The following TM4SF1 variants were observed in gnomAD, a reference collection of about 807,000 sequenced individuals.
TM4SF1 encodes transmembrane 4 L6 family member 1.
TM4SF1 carries 20 observed loss-of-function variants against 24.5 expected under a neutral mutation model. The observed-to-expected ratio is 0.82, with a 90% CI of 0.57 to 1.19. The LOEUF (loss-of-function observed/expected upper bound fraction) is 1.19, where lower values mean the gene tolerates loss of function less well. Ranked by LOEUF, TM4SF1 falls within the 50% of genes most tolerant of loss-of-function variation. The pLI, the probability that TM4SF1 is intolerant of heterozygous loss-of-function variation, is 0.00. For missense variants in TM4SF1, 258 were observed against 248.1 expected (o/e 1.04, Z -0.27); for synonymous variants, 107 against 95.4 (o/e 1.12, Z -0.71).
At chr3:149,373,817 T>C (rs1731887653) in intron 3 of TM4SF1, among the ~76,000 whole-genome samples, 1 of 152,198 alleles carries the variant, frequency 6.6e-6, no homozygotes. Context: ...GGGCAAACAG[T>C]CAAATAGCTA....
chr3:149,369,982 C>T, intron 4 of TM4SF1, 102 bp from the exon 5 acceptor site: 1 of 1,427,306 alleles, frequency 7.0e-7, no homozygotes, highest in South Asian at 1.3e-5. Flanking sequence ...ACAGACTGAT[C>T]TTAGCTTCAG....
chr3:149,370,013 C>A, intron 4 of TM4SF1, 133 bp from the exon 5 acceptor site: 2 of 1,138,760 alleles, frequency 1.8e-6, no homozygotes, highest in Non-Finnish European at 2.5e-6. Flanking sequence ...GCCAACCATA[C>A]TTAGGGCTTG....
intron 1 of TM4SF1, among the ~76,000 whole-genome samples, chr3:149,376,059 G>A (rs183649780): frequency 1.3e-5 from 2 of 152,192 alleles, no homozygotes; most frequent in East Asian, 1.9e-4. Flanking sequence ...TTTATCACAC[G>A]ACCCCAGATA....
At chr3:149,372,512 T>G (rs1731849157) in intron 3 of TM4SF1, among the ~76,000 whole-genome samples, 1 of 152,222 alleles carries the variant, frequency 6.6e-6, no homozygotes, top group African/African-American at 2.4e-5. Context: ...ATATTTAATA[T>G]GCTGGAATTT....
rs1576847878 is a variant in TM4SF1, at chr3:149,371,714, T to G, written c.567A>C (p.Ile189=). The change falls in exon 4 of 5, where the codon ATA becomes ATC. Residue 189 remains isoleucine, a synonymous_variant. Transcript: ENST00000305366. ...GTTGGTGAGAGCAGCAAAAGCCACA[T>G]ATGCCTCCAAGCACTCCATTTATTA... ...IQVINGVLGG[I]CGFCCSHQQQ... is the part of the protein sequence containing the mutation. 1 of 1,614,172 alleles carries G rather than the reference T, an allele frequency of 6.2e-7. No homozygotes were observed. Among genetic ancestry groups the G allele is most frequent in the African/African-American group, 1.3e-5 (1 of 75,046 alleles).
Position 149,375,500 on chromosome 3 carries a change from G to T in TM4SF1, c.356C>A (p.Pro119Gln), listed in dbSNP as rs1731928094. 1 of 1,614,192 alleles carries T rather than the reference G, an allele frequency of 6.2e-7. No individual in the cohort carries two copies. The highest frequency in any genetic ancestry group is 8.5e-7 in the Non-Finnish European group (1 of 1,180,036). Reference sequence around the variant, plus strand: ...CTGGCCGAGGGAATCAAGACATAGTGGTCCTTCTGCTAAGCCAAGGGCTGC... The same window carrying T: ...CTGGCCGAGGGAATCAAGACATAGTTGTCCTTCTGCTAAGCCAAGGGCTGC... ...IVAALGLAEG[P>Q]LCLDSLGQWN... Residue 119 changes from proline to glutamine, a missense_variant, in exon 3 of 5, where the codon CCA (proline) becomes CAA (glutamine). Pro to Gln is a moderately conservative substitution (Grantham distance 76, BLOSUM62 -1). Coordinates refer to ENST00000305366, the MANE Select transcript of TM4SF1 (RefSeq NM_014220.3).
At chr3:149,376,528 A>T (rs115527323) in intron 1 of TM4SF1, among the ~76,000 whole-genome samples, 162 of 152,302 alleles carry the variant, frequency 1.1e-3, no homozygotes, top group African/African-American at 3.7e-3. Context: ...ATTAAATAAA[A>T]TCTCATTAAA....
Position 149,377,642 on chromosome 3 carries a change from A to C in TM4SF1, c.-95T>G, listed in dbSNP as rs757107263. The C allele has an allele frequency of 2.0e-6, 3 of 1,519,630 alleles. No homozygotes were observed. Among genetic ancestry groups the C allele is most frequent in the Non-Finnish European group, 2.6e-6 (3 of 1,135,038 alleles). 94.1% of individuals were successfully genotyped at this position (1,519,630 alleles called of 1,614,324 possible). On this transcript the variant is annotated 5_prime_UTR_variant, in exon 1 of 5. Transcript: ENST00000305366. ...TGTGCCCTTCTGGTGGAGAAAGCAA[A>C]CACCACTCTCAGCCCATTCCTGCTA...
At chr3:149,374,672 G>A (rs560112234) in intron 3 of TM4SF1, among the ~76,000 whole-genome samples, 5 of 152,248 alleles carry the variant, frequency 3.3e-5, no homozygotes, top group Admixed American at 1.3e-4. Context: ...ACTAAAAAAG[G>A]GGGCATTGTA....
In TM4SF1 at chr3:149,371,846, T is replaced by C. The variant is rs72992076; in HGVS notation, c.435A>G (p.Thr145=). The part of the protein sequence containing the change: ...TEGQYLLDTS[T]WSECTEPKHI... The stretch of plus-strand genomic sequence containing the variant: ...GCTTGGGTTCAGTGCACTCGGACCA[T>C]GTGGAGGTATCCAGAAGGTACCTGT... The change falls in exon 4 of 5, where the codon ACA becomes ACG. Residue 145 remains threonine (T), a synonymous_variant. Transcript: ENST00000305366. The C allele has an allele frequency of 3.6e-4, 578 of 1,613,980 alleles. 1 individual carries two copies. The African/African-American group carries it at 6.9e-3, about 19-fold the overall frequency.
At chr3:149,373,472 A>G (rs1731878446) in intron 3 of TM4SF1, among the ~76,000 whole-genome samples, 1 of 152,186 alleles carries the variant, frequency 6.6e-6, no homozygotes, top group Non-Finnish European at 1.5e-5. Context: ...TTCTTTTCTT[A>G]TCACGACTTC....
rs762125306 is a variant in TM4SF1 at position 149,375,587 on chromosome 3, A to G, written c.269T>C (p.Met90Thr). ...GAGAGCAGCCAATACAGAAGAAAGC[A>G]TCTAGGGAAAAGCAGACACACAGGA... ...GHENCGKRCA[M>T]LSSVLAALIG... The change falls in exon 3 of 5, where the codon ATG becomes ACG. Residue 90 changes from methionine (M) to threonine (T), a missense_variant and splice_region_variant. Met to Thr is a moderately conservative substitution (Grantham distance 81). Transcript: ENST00000305366. 3.5e-5 allele frequency: 56 copies of G among 1,614,110 alleles called. No individual in the cohort carries two copies. The South Asian group carries it at 5.4e-4, about 16-fold the overall frequency.
chr3:149,375,435 T>C lies in TM4SF1; in HGVS notation c.413+8A>G, dbSNP rs1731924771. 1.2e-6 allele frequency: 2 copies of C among 1,613,834 alleles called. No homozygotes were observed. The highest frequency in any genetic ancestry group is 2.2e-5 in the South Asian group (2 of 91,066). On this transcript the variant is annotated splice_region_variant and intron_variant, in intron 3 of 4. Transcript: ENST00000305366. ...AAATGTGTAGCCATGTAGAGAGTAA[T>C]TACATACTGGCCCTCAGTGCTGGCA... is the stretch of plus-strand genomic sequence containing the variant.
chr3:149,372,891 T>C (rs1576848502), intron 3 of TM4SF1, among the ~76,000 whole-genome samples: 1 of 152,154 alleles, frequency 6.6e-6, no homozygotes, highest in Non-Finnish European at 1.5e-5. Context: ...TCAGTGTGAG[T>C]CTGACACTGA....
rs1437086203 is a variant in TM4SF1 at position 149,371,725 on chromosome 3, G to C, written c.556C>G (p.Leu186Val). 6.2e-7 allele frequency: 1 copy of C among 1,614,038 alleles called. No homozygotes were observed. The highest frequency in any genetic ancestry group is 1.3e-5 in the African/African-American group (1 of 74,912). ...CAGCAAAAGCCACATATGCCTCCAA[G>C]CACTCCATTTATTACTTGAATAAGA... ...LCLIQVINGV[L>V]GGICGFCCSH... The change falls in exon 4 of 5, where the codon CTT becomes GTT. Residue 186 changes from leucine (L) to valine (V), a missense_variant. Coordinates refer to ENST00000305366, the MANE Select transcript of TM4SF1 (RefSeq NM_014220.3).
chr3:149,371,612 C>G (rs773923206), intron 4 of TM4SF1, 75 bp downstream of exon 4: 1 of 1,544,488 alleles, frequency 6.5e-7, no homozygotes, highest in East Asian at 2.2e-5. Context: ...TTTGGTTTTG[C>G]CTTTTTCTTT....
Position 149,377,620 on chromosome 3 carries a change from G to T in TM4SF1, c.-73C>A. The stretch of plus-strand genomic sequence containing the variant: ...GATACCCCAAATTAGATGAAAGTGT[G>T]CCCTTCTGGTGGAGAAAGCAAACAC... On this transcript the variant is annotated 5_prime_UTR_variant, in exon 1 of 5. Coordinates refer to ENST00000305366, the MANE Select transcript of TM4SF1 (RefSeq NM_014220.3). The T allele has an allele frequency of 6.5e-7, 1 of 1,541,276 alleles. No individual in the cohort carries two copies. Among genetic ancestry groups the T allele is most frequent in the South Asian group, 1.3e-5 (1 of 78,272 alleles).
In TM4SF1 at chr3:149,369,604, C is replaced by G; in HGVS notation, c.*262G>C. 4.6e-6 allele frequency: 2 copies of G among 437,432 alleles called. No individual in the cohort carries two copies. Among genetic ancestry groups the G allele is most frequent in the South Asian group, 5.4e-5 (2 of 36,754 alleles). 27.1% of individuals were successfully genotyped at this position (437,432 alleles called of 1,614,324 possible). On this transcript the variant is annotated 3_prime_UTR_variant, in exon 5 of 5. Transcript: ENST00000305366. ...ATCTCAGATATACTGAGTACTGTCA[C>G]TCAGTCTGTAAATTACCCCCAGAGG...
At chr3:149,370,243 G>A in intron 4 of TM4SF1, 1 of 191,654 alleles carries the variant, frequency 5.2e-6, no homozygotes, top group South Asian at 1.1e-4. Flanking sequence ...AAATGCTACC[G>A]AGTTATGGAC....
Sources: gnomAD v4.1 joint callset for allele counts (sites outside exome capture counted in the v4.1 genomes callset) on GRCh38, gnomAD v4.1.1 for gene constraint, MANE v1.5 for transcripts, NCBI Gene and HGNC (gene_info 2026-07-23, HGNC 2026-07-21) for gene names.